Variants in NSD2 observed in about 807,000 individuals in gnomAD.
The protein encoded by NSD2 is histone-lysine N-methyltransferase NSD2.
NSD2 carries 12 observed loss-of-function variants against 139.0 expected under a neutral mutation model. That is an observed-to-expected ratio of 0.09 (90% CI 0.06 to 0.14). The LOEUF is 0.14. Ranked by LOEUF, NSD2 falls within the 10% of genes least tolerant of loss-of-function variation. The pLI is 1.00. For synonymous variants in NSD2, 669 were observed against 648.7 expected (o/e 1.03, Z -0.48); for missense variants, 1,155 against 1,745.0 (o/e 0.66, Z 6.02).
chr4:1,879,170 T>C (rs1714517731), intron 1 of NSD2, among the ~76,000 whole-genome samples: 1 of 152,130 alleles, frequency 6.6e-6, no homozygotes, highest in Non-Finnish European at 1.5e-5. Context: ...TATGTATCTA[T>C]GTGTATATAT....
chr4:1,925,641 C>A (rs62287005), intron 5 of NSD2, among the ~76,000 whole-genome samples: 44 of 151,456 alleles, frequency 2.9e-4, no homozygotes, highest in Non-Finnish European at 5.5e-4. Flanking sequence ...TCAGGTGATC[C>A]ACCCGCCTTG....
In NSD2 at chr4:1,973,638, C is replaced by T. The variant is rs144850325; in HGVS notation, c.3373-1225C>T. On this transcript the variant is annotated intron_variant, in intron 18 of 21. Transcript: ENST00000508803. This position sits in a 1 kb window ranked among gnomAD's most constrained non-coding sequence, Gnocchi z 5.5. ...CCTGTGTGGGTATGTAGAAAGGACA[C>T]GGGGCCAGCGGTCCCAGACAGGGGC... 2.6e-5 allele frequency among the ~76,000 whole-genome samples: 4 copies of T among 152,362 alleles called. No individual in the cohort carries two copies. The highest frequency in any genetic ancestry group is 7.2e-5 in the African/African-American group (3 of 41,590).
At position 1,924,280 on chromosome 4, in the gene NSD2, C is replaced by T. The variant is rs553404684; in HGVS notation, c.1410+5657C>T. 5.9e-5 allele frequency among the ~76,000 whole-genome samples: 9 copies of T among 152,244 alleles called. No individual in the cohort carries two copies. In the South Asian group the frequency reaches 1.9e-3, roughly 32 times the overall value. On this transcript the variant is annotated intron_variant, in intron 5 of 21. Transcript: ENST00000508803. Reference sequence around the variant, plus strand: ...AGTGGCAAGCTCTGAATGGACACTCCAGTGTTTGACAGCTAGGCCTGCGCA... The same window carrying T: ...AGTGGCAAGCTCTGAATGGACACTCTAGTGTTTGACAGCTAGGCCTGCGCA...
rs758798682 is a variant in NSD2 at position 1,930,663 on chromosome 4, T to C, written c.1448T>C (p.Ile483Thr). ...CACCCAGATGCTTCAGGTGAGGAGA[T>C]TGAAGAGCTGCTCAGGTCACAGTGG... ...AEHPDASGEE[I>T]EELLRSQWSL... Residue 483 changes from isoleucine to threonine, a missense_variant, in exon 6 of 22, where the codon ATT (isoleucine) becomes ACT (threonine). Around this residue, in one of 8 missense-constraint regions of NSD2, gnomAD observed 420 missense variants for 469.0 expected, o/e 0.90. Transcript: ENST00000508803. 6 of 1,613,312 alleles carry C rather than the reference T, an allele frequency of 3.7e-6. No individual in the cohort carries two copies. Among genetic ancestry groups the C allele is most frequent in the South Asian group, 2.2e-5 (2 of 90,956 alleles).
At chr4:1,921,064 A>G (rs1720053393) in intron 5 of NSD2, among the ~76,000 whole-genome samples, 1 of 152,216 alleles carries the variant, frequency 6.6e-6, no homozygotes, top group African/African-American at 2.4e-5. Flanking sequence ...GCTTATTGAT[A>G]AAAGGTTAGT....
intron 1 of NSD2, among the ~76,000 whole-genome samples, chr4:1,874,020 T>G (rs748656196): frequency 2.6e-5 from 4 of 152,176 alleles, no homozygotes; most frequent in Non-Finnish European, 5.9e-5. Flanking sequence ...CACTCAGCCT[T>G]CCTGGCTCTG....
intron 1 of NSD2, among the ~76,000 whole-genome samples, chr4:1,887,025 TTAG>T (rs1373047748): frequency 6.6e-6 from 1 of 152,144 alleles, no homozygotes; most frequent in African/African-American, 2.4e-5. Flanking sequence ...ATTCCAGAAC[TTAG>T]TGGTTGAAAA....
chr4:1,971,719 A>G (rs928054515), intron 18 of NSD2, among the ~76,000 whole-genome samples: 4 of 152,266 alleles, frequency 2.6e-5, no homozygotes, highest in African/African-American at 9.6e-5. Context: ...CCTGAAAAGC[A>G]TGGAGAGCAG....
rs568870713 is a variant in NSD2 at position 1,875,172 on chromosome 4, G to T, written c.-30+3630G>T. The stretch of plus-strand genomic sequence containing the variant: ...AGTCAGTCTTGCAGTGTTTGGGCTG[G>T]TCTCTGTAACTCCTGGCCTCAAGTG... On this transcript the variant is annotated intron_variant, in intron 1 of 21. Transcript: ENST00000508803. Among the ~76,000 whole-genome samples the T allele has an allele frequency of 1.3e-3, 198 of 151,856 alleles. 3 individuals are homozygous for T. The highest frequency in any genetic ancestry group is 4.5e-3 in the African/African-American group (188 of 41,414).
chr4:1,920,877 AATTT>A (rs1163233679), intron 5 of NSD2, among the ~76,000 whole-genome samples: 1 of 151,792 alleles, frequency 6.6e-6, no homozygotes, highest in Non-Finnish European at 1.5e-5. Flanking sequence ...AAAAAAAAAA[AATTT>A]TTTTTAATTA....
Position 1,948,574 on chromosome 4 carries a change from G to C in NSD2, c.1882-2498G>C. The C allele has an allele frequency of 9.4e-7, 1 of 1,063,818 alleles. No homozygotes were observed. Among genetic ancestry groups the C allele is most frequent in the Non-Finnish European group, 1.1e-6 (1 of 877,538 alleles). 65.9% of individuals were successfully genotyped at this position (1,063,818 alleles called of 1,614,324 possible). A position where few individuals can be genotyped will look rare whatever the true frequency, so the allele number is the denominator to read the frequency against. Reference sequence around the variant, plus strand: ...GGAGGGGGTGTGGTGGGAAAAAGTCGGAATCTCTGCAATCTGTGTCATGGA... The same window carrying C: ...GGAGGGGGTGTGGTGGGAAAAAGTCCGAATCTCTGCAATCTGTGTCATGGA... On this transcript the variant is annotated intron_variant, in intron 9 of 21. Coordinates refer to ENST00000508803, the MANE Select transcript of NSD2 (RefSeq NM_001042424.3). This position sits in a 1 kb window ranked among gnomAD's most constrained non-coding sequence, Gnocchi z 4.5.
Position 1,916,875 on chromosome 4 carries a change from G to T in NSD2, c.765G>T (p.Gln255His). Residue 255 changes from glutamine to histidine, a missense_variant, in exon 4 of 22, where the codon CAG becomes CAT. This residue lies in a region of NSD2 where 34 missense variants were observed against 75.2 expected (regional missense o/e 0.45). Coordinates refer to ENST00000508803, the MANE Select transcript of NSD2 (RefSeq NM_001042424.3). ...LLHSYTKLKG[Q>H]KKSARQYHVQ... ...ACATTTTATTTTAAAAACTAGGTCAGAAAAAGAGTGCACGCCAGTATCACG... is the reference window on the plus strand; with the variant it reads ...ACATTTTATTTTAAAAACTAGGTCATAAAAAGAGTGCACGCCAGTATCACG... The T allele has an allele frequency of 6.3e-7, 1 of 1,595,678 alleles. No homozygotes were observed. Among genetic ancestry groups the T allele is most frequent in the Non-Finnish European group, 8.5e-7 (1 of 1,174,040 alleles).
At chr4:1,943,939 C>T (rs754703134) in intron 9 of NSD2, 14 of 1,064,008 alleles carry the variant, frequency 1.3e-5, no homozygotes, top group Non-Finnish European at 1.6e-5. Flanking sequence ...AGTCAGCCAG[C>T]GCATAGGTGC....
intron 1 of NSD2, among the ~76,000 whole-genome samples, chr4:1,897,655 G>T (rs535050286): frequency 6.6e-6 from 1 of 152,260 alleles, no homozygotes; most frequent in African/African-American, 2.4e-5. Context: ...ATATTTTTGA[G>T]ACAGAGTCTC....
At chr4:1,926,585 C>G (rs986300039) in intron 5 of NSD2, among the ~76,000 whole-genome samples, 1 of 152,114 alleles carries the variant, frequency 6.6e-6, no homozygotes, top group African/African-American at 2.4e-5. Context: ...ATCCTCCCCC[C>G]TCAGCCTTCC....
chr4:1,973,949 C>T lies in NSD2; in HGVS notation c.3373-914C>T, dbSNP rs1726782906. Among the ~76,000 whole-genome samples, 1 of 152,182 alleles carries T rather than the reference C, an allele frequency of 6.6e-6. No individual in the cohort carries two copies. The highest frequency in any genetic ancestry group is 2.4e-5 in the African/African-American group (1 of 41,436). On this transcript the variant is annotated intron_variant, in intron 18 of 21. Coordinates refer to ENST00000508803, the MANE Select transcript of NSD2 (RefSeq NM_001042424.3). The surrounding 1 kb of genome is among the most constrained non-coding windows in gnomAD (Gnocchi z 5.5). ...TGTTGTCTCCAGTTCCTGCCTTTGG[C>T]CTCCAGGCACCTGGATTTGAGTGGG...
intron 2 of NSD2, 107 bp from the exon 3 acceptor site, chr4:1,904,109 G>T (rs183366871): frequency 2.4e-6 from 3 of 1,235,424 alleles, no homozygotes; most frequent in East Asian, 5.0e-5. Flanking sequence ...TCCATTTTTG[G>T]GGGTCTGTGT....
Position 1,889,021 on chromosome 4 carries a change from C to G in NSD2, c.-29-11605C>G, listed in dbSNP as rs575661756. On this transcript the variant is annotated intron_variant, in intron 1 of 21. Coordinates refer to ENST00000508803, the MANE Select transcript of NSD2 (RefSeq NM_001042424.3). ...CAAGTGATTCTTCTGCCTCAGCCTC[C>G]CGAATAGCTGGGATTACAGGCACCC... Among the ~76,000 whole-genome samples the G allele has an allele frequency of 5.9e-5, 9 of 151,994 alleles. No homozygotes were observed. In the South Asian group the frequency reaches 1.7e-3, roughly 28 times the overall value.
Position 1,918,549 on chromosome 4 carries a change from G to A in NSD2, c.1336G>A (p.Val446Ile), listed in dbSNP as rs1719716174. 1 of 1,613,818 alleles carries A rather than the reference G, an allele frequency of 6.2e-7. No individual in the cohort carries two copies. Among genetic ancestry groups the A allele is most frequent in the South Asian group, 1.1e-5 (1 of 91,060 alleles). The stretch of plus-strand genomic sequence containing the variant: ...TCCTCCTGGGAGGAAGAAGACCACA[G>A]TCTCCATGCCACGAAGCAGGAAGGG... ...GSPPGRKKTTVSMPRSRKGDA... is the reference protein window; with the variant it reads ...GSPPGRKKTTISMPRSRKGDA... The change falls in exon 5 of 22, where the codon GTC becomes ATC. Residue 446 changes from valine to isoleucine, a missense_variant. Coordinates refer to ENST00000508803, the MANE Select transcript of NSD2 (RefSeq NM_001042424.3).
Sources: allele counts gnomAD v4.1 joint callset (sites outside exome capture counted in the v4.1 genomes callset), GRCh38; gene constraint gnomAD v4.1.1; regional missense constraint gnomAD v4.1.1; non-coding constraint Gnocchi (gnomAD v3.1); transcripts MANE v1.5; gene names NCBI Gene and HGNC (gene_info 2026-07-23, HGNC 2026-07-21).